GLT1D1: variants seen among roughly 807,000 people sequenced by gnomAD.
GLT1D1 encodes the protein glycosyltransferase 1 domain containing 1, also known as glycosyltransferase 1 domain-containing protein 1.
In GLT1D1, 21 loss-of-function variants were observed where a neutral mutation model predicts 28.7. That is an observed-to-expected ratio of 0.73 (90% CI 0.52 to 1.05). GLT1D1 has a LOEUF of 1.05. Ranked by LOEUF, GLT1D1 falls within the 50% of genes least tolerant of loss-of-function variation. The probability of loss-of-function intolerance (pLI) is 0.00; values close to 1 mark genes in which losing one functional copy is unlikely to be tolerated. For missense variants in GLT1D1, 343 were observed against 330.6 expected (o/e 1.04, Z -0.29); for synonymous variants, 147 against 124.8 (o/e 1.18, Z -1.19).
At chr12:128,945,997 TCAC>T (rs1876017921) in intron 5 of GLT1D1, among the ~76,000 whole-genome samples, 1 of 152,134 alleles carries the variant, frequency 6.6e-6, no homozygotes, top group South Asian at 2.1e-4. Flanking sequence ...AGTGGTGTCT[TCAC>T]AGCCCCCCAG....
chr12:128,927,769 C>T (rs1056473225), intron 4 of GLT1D1, among the ~76,000 whole-genome samples: 1 of 151,404 alleles, frequency 6.6e-6, no homozygotes, highest in Non-Finnish European at 1.5e-5. Flanking sequence ...GAGGCTGAGG[C>T]GGGCAGATCA....
Position 128,862,056 on chromosome 12 carries a change from C to G in GLT1D1, c.68+8407C>G, listed in dbSNP as rs12809389. ...CAAAGATAGCCATTGAGGCCAGCCG[C>G]GGTGGCTCACGCCTTTGATCCCAGC... On this transcript the variant is annotated intron_variant, in intron 1 of 7. Transcript: ENST00000281703. 2.0e-5 allele frequency among the ~76,000 whole-genome samples: 3 copies of G among 152,164 alleles called. No individual in the cohort carries two copies. The South Asian group carries it at 6.2e-4, about 31-fold the overall frequency.
Position 128,983,177 on chromosome 12 carries a change from T to G in GLT1D1, c.*87T>G. 1 of 1,244,318 alleles carries G rather than the reference T, an allele frequency of 8.0e-7. No homozygotes were observed. The highest frequency in any genetic ancestry group is 1.1e-6 in the Non-Finnish European group (1 of 877,600). 77.1% of individuals were successfully genotyped at this position (1,244,318 alleles called of 1,614,324 possible). A position where few individuals can be genotyped will look rare whatever the true frequency, so the allele number is the denominator to read the frequency against. On this transcript the variant is annotated 3_prime_UTR_variant, in exon 8 of 8. Coordinates refer to ENST00000281703, the MANE Select transcript of GLT1D1 (RefSeq NM_144669.3). The surrounding 1 kb of genome is among the most constrained non-coding windows in gnomAD (Gnocchi z 4.7). ...AGAGTTCTGGATCACGTGGGCCCAG[T>G]GCAGTTCAAATAAAACCAGCCTCAG...
intron 5 of GLT1D1, 26 bp downstream of exon 9, chr12:128,945,395 T>G (rs746629790): frequency 6.2e-7 from 1 of 1,604,522 alleles, no homozygotes; most frequent in South Asian, 1.1e-5. Context: ...GACCAGTCAT[T>G]TTGCAGAACG....
At chr12:128,959,412 G>A (rs7979700) in intron 7 of GLT1D1, among the ~76,000 whole-genome samples, 13 of 17,676 alleles carry the variant, frequency 7.4e-4, no homozygotes, top group African/African-American at 3.9e-3. Context: ...ATGAGGCAGT[G>A]GGGGGGGACG....
At chr12:128,958,830 CTTTTTTTT>C (rs71072432) in intron 7 of GLT1D1, among the ~76,000 whole-genome samples, 1 of 83,854 alleles carries the variant, frequency 1.2e-5, no homozygotes, top group Non-Finnish European at 2.1e-5. Flanking sequence ...AAATAAAAAT[CTTTTTTTT>C]TTTTTTTTTT....
chr12:128,886,039 T>G (rs1315936340), intron 2 of GLT1D1, among the ~76,000 whole-genome samples: 1 of 152,164 alleles, frequency 6.6e-6, no homozygotes, highest in East Asian at 1.9e-4. Context: ...TGACAGTGAA[T>G]AAGTCTCTCA....
intron 4 of GLT1D1, among the ~76,000 whole-genome samples, chr12:128,905,114 C>T (rs1289233282): frequency 6.6e-5 from 10 of 152,198 alleles, no homozygotes. Flanking sequence ...ACACCACTTA[C>T]GCCGTTTCCC....
At chr12:128,893,485 AAGTG>A (rs1337401709) in intron 3 of GLT1D1, among the ~76,000 whole-genome samples, 1 of 152,178 alleles carries the variant, frequency 6.6e-6, no homozygotes, top group African/African-American at 2.4e-5. Context: ...TCACATGTGA[AAGTG>A]AGTAAATCTA....
intron 4 of GLT1D1, among the ~76,000 whole-genome samples, chr12:128,908,786 A>G (rs1447896424): frequency 1.3e-5 from 2 of 152,064 alleles, no homozygotes; most frequent in East Asian, 1.9e-4. Flanking sequence ...CGTCTCTACT[A>G]AAAATACAAA....
At chr12:128,928,960 C>CT in intron 4 of GLT1D1, among the ~76,000 whole-genome samples, 1 of 152,118 alleles carries the variant, frequency 6.6e-6, no homozygotes, top group African/African-American at 2.4e-5. Flanking sequence ...CTGCTATGGC[C>CT]TGAGTGTGTG....
At chr12:128,859,645 G>C (rs1423298701) in intron 1 of GLT1D1, among the ~76,000 whole-genome samples, 1 of 152,196 alleles carries the variant, frequency 6.6e-6, no homozygotes, top group Non-Finnish European at 1.5e-5. Flanking sequence ...GGGAGACAGG[G>C]CCACGCGACA....
intron 1 of GLT1D1, among the ~76,000 whole-genome samples, chr12:128,859,322 C>T (rs1394033971): frequency 1.3e-5 from 2 of 152,182 alleles, no homozygotes; most frequent in Non-Finnish European, 2.9e-5. Context: ...CCATCTCTTC[C>T]AGAGCTGAGA....
intron 2 of GLT1D1, among the ~76,000 whole-genome samples, chr12:128,883,055 T>C (rs1013225908): frequency 6.6e-6 from 1 of 151,524 alleles, no homozygotes; most frequent in Admixed American, 6.6e-5. Context: ...GCCTCTTGAG[T>C]AGCTGGGATT....
intron 2 of GLT1D1, among the ~76,000 whole-genome samples, chr12:128,880,895 T>C (rs1006940988): frequency 9.2e-5 from 14 of 152,120 alleles, no homozygotes; most frequent in African/African-American, 3.4e-4. Context: ...AAAAAAGATA[T>C]AATTTTACAA....
chr12:128,874,658 A>AT (rs913897301), intron 1 of GLT1D1, among the ~76,000 whole-genome samples: 2 of 151,776 alleles, frequency 1.3e-5, no homozygotes, highest in East Asian at 1.9e-4. Flanking sequence ...ATTAAAAAAT[A>AT]TTTTTTATAG....
At chr12:128,906,923 C>T in intron 4 of GLT1D1, 1 of 702,584 alleles carries the variant, frequency 1.4e-6, no homozygotes, top group Non-Finnish European at 2.6e-6. Flanking sequence ...AGACAGATCT[C>T]ATTGGCTGTC....
chr12:128,945,289 G>A (rs199684426), intron 4 of GLT1D1, 37 bp from the exon 9 acceptor site: 2 of 1,611,412 alleles, frequency 1.2e-6, no homozygotes, highest in South Asian at 1.1e-5. Context: ...CCACTAGCAG[G>A]CGGCGACCGC....
intron 7 of GLT1D1, among the ~76,000 whole-genome samples, chr12:128,958,201 G>T (rs1386152922): frequency 6.6e-6 from 1 of 152,164 alleles, no homozygotes; most frequent in Non-Finnish European, 1.5e-5. Context: ...AGTGTAGGGG[G>T]CCACAGACAG....
Sources: gnomAD v4.1 joint callset for allele counts (sites outside exome capture counted in the v4.1 genomes callset) on GRCh38, gnomAD v4.1.1 for gene constraint, Gnocchi (gnomAD v3.1) non-coding constraint, MANE v1.5 for transcripts, NCBI Gene and HGNC (gene_info 2026-07-23, HGNC 2026-07-21) for gene names.